The following HRH2 variants were observed in gnomAD, a reference collection of about 807,000 sequenced individuals.
HRH2 encodes the protein histamine H2 receptor.
In HRH2, 4 loss-of-function variants were observed where a neutral mutation model predicts 20.1. The observed-to-expected ratio is 0.20, with a 90% CI of 0.10 to 0.45. The LOEUF (loss-of-function observed/expected upper bound fraction) is 0.45, where lower values mean the gene tolerates loss of function less well. HRH2 is among the 20% of genes least tolerant of loss of function. HRH2 has a pLI of 0.99. For missense variants in HRH2, 250 were observed against 461.6 expected (o/e 0.54, Z 4.20); for synonymous variants, 197 against 200.7 (o/e 0.98, Z 0.16).
At chr5:175,665,667 G>A (rs1423362640) in intron 1 of HRH2, among the ~76,000 whole-genome samples, 1 of 152,166 alleles carries the variant, frequency 6.6e-6, no homozygotes, top group East Asian at 1.9e-4. Context: ...AGAGATGGGT[G>A]CCTGTCAGTC....
chr5:175,707,835 G>C lies in HRH2; in HGVS notation c.1133G>C (p.Ser378Thr). 1 of 399,260 alleles carries C rather than the reference G, an allele frequency of 2.5e-6. No homozygotes were observed. The highest frequency in any genetic ancestry group is 6.3e-4 in the Middle Eastern group (1 of 1,592). The allele number at this position is 399,260 out of a possible 1,614,324, so 24.7% of individuals were successfully genotyped here. A position where few individuals can be genotyped will look rare whatever the true frequency, so the allele number is the denominator to read the frequency against. ...CSSNLLSCCKSLWGLRFLQRH... is the reference protein window; with the variant it reads ...CSSNLLSCCKTLWGLRFLQRH... Reference sequence around the variant, plus strand: ...AGCAACCTCCTGAGCTGCTGCAAGAGCCTGTGGGGGCTCAGGTTCCTTCAG... The same window carrying C: ...AGCAACCTCCTGAGCTGCTGCAAGACCCTGTGGGGGCTCAGGTTCCTTCAG... The change falls in exon 3 of 3, where the codon AGC becomes ACC. Residue 378 changes from serine (S) to threonine (T), a missense_variant. Physicochemically the swap from Ser to Thr is moderately conservative, Grantham distance 58. This residue lies in a region of HRH2 where 55 missense variants were observed against 66.9 expected (regional missense o/e 0.82). Coordinates refer to ENST00000636584, the MANE Select transcript of HRH2 (RefSeq NM_001367711.1).
At position 175,683,086 on chromosome 5, in the gene HRH2, CT is replaced by C; in HGVS notation, c.-147del. The C allele has an allele frequency of 6.4e-6, 6 of 940,970 alleles. No individual in the cohort carries two copies. The highest frequency in any genetic ancestry group is 7.7e-6 in the Non-Finnish European group (5 of 648,592). The allele number at this position is 940,970 out of a possible 1,614,324, so 58.3% of individuals were successfully genotyped here. A position where few individuals can be genotyped will look rare whatever the true frequency, so the allele number is the denominator to read the frequency against. On this transcript the variant is annotated 5_prime_UTR_variant, in exon 2 of 3. Coordinates refer to ENST00000636584, the MANE Select transcript of HRH2 (RefSeq NM_001367711.1). ...CAGTCATTGAAGCCTTCCCCACCCC[CT>C]GGCCAAAAAAAAAAAAAAAAAAAAA...
Position 175,707,891 on chromosome 5 carries a change from T to G in HRH2, c.1189T>G (p.Ser397Ala), listed in dbSNP as rs1032733599. The change falls in exon 3 of 3, where the codon TCG becomes GCG. Residue 397 changes from serine to alanine, a missense_variant. Transcript: ENST00000636584. ...CATGGGAGGCCCCTCGGAGGAGCTA[T>G]CGGGGGAGCCACTGTCTGAGGAGCC... The part of the protein sequence containing the change: ...RHMGGPSEEL[S>A]GEPLSEEPQK... 1.3e-5 allele frequency: 5 copies of G among 399,060 alleles called. No homozygotes were observed. The highest frequency in any genetic ancestry group is 2.2e-5 in the Non-Finnish European group (5 of 226,210). The allele number at this position is 399,060 out of a possible 1,614,324, so 24.7% of individuals were successfully genotyped here.
intron 1 of HRH2, among the ~76,000 whole-genome samples, chr5:175,671,228 G>C (rs1345033025): frequency 6.6e-6 from 1 of 152,170 alleles, no homozygotes; most frequent in Non-Finnish European, 1.5e-5. Context: ...AGGGTTTGTG[G>C]GGCACCGCAT....
At chr5:175,692,828 C>A (rs1001147483) in intron 2 of HRH2, among the ~76,000 whole-genome samples, 1 of 152,180 alleles carries the variant, frequency 6.6e-6, no homozygotes, top group African/African-American at 2.4e-5. Flanking sequence ...AACCCCCCAA[C>A]TGTGTTGTGT....
intron 2 of HRH2, among the ~76,000 whole-genome samples, chr5:175,696,072 C>CT (rs1188601209): frequency 1.3e-5 from 2 of 152,278 alleles, no homozygotes; most frequent in Non-Finnish European, 2.9e-5. Context: ...GGGCATGACA[C>CT]TTTGCCTGCC....
At chr5:175,664,069 G>A (rs1762818248) in intron 1 of HRH2, among the ~76,000 whole-genome samples, 1 of 152,198 alleles carries the variant, frequency 6.6e-6, no homozygotes, top group African/African-American at 2.4e-5. Flanking sequence ...AGGCAGTGTG[G>A]CTGATTATTG....
chr5:175,682,290 T>G (rs909165565), intron 1 of HRH2, among the ~76,000 whole-genome samples: 20 of 152,288 alleles, frequency 1.3e-4, no homozygotes, highest in African/African-American at 4.8e-4. Flanking sequence ...TTCAGAGGAG[T>G]AGATTCATTA....
intron 1 of HRH2, among the ~76,000 whole-genome samples, chr5:175,678,317 G>T (rs1393674615): frequency 6.6e-6 from 1 of 152,166 alleles, no homozygotes; most frequent in Non-Finnish European, 1.5e-5. Flanking sequence ...TTTAGCCAAT[G>T]ACAAAAGTGT....
chr5:175,696,759 C>T (rs1756599255), intron 2 of HRH2, among the ~76,000 whole-genome samples: 1 of 152,180 alleles, frequency 6.6e-6, no homozygotes, highest in African/African-American at 2.4e-5. Context: ...GTGTGGCCCC[C>T]TTGCTGGCTC....
chr5:175,666,648 C>T (rs896301076), intron 1 of HRH2, among the ~76,000 whole-genome samples: 3 of 152,108 alleles, frequency 2.0e-5, no homozygotes, highest in African/African-American at 7.2e-5. Context: ...CCAGGCTGGG[C>T]TTGAACTCCT....
rs1762838389 is a variant in HRH2, at chr5:175,664,776, A to G, written c.-526+6621A>G. On this transcript the variant is annotated intron_variant, in intron 1 of 2. Transcript: ENST00000636584. ...CAGCCTCCCAAGTAGCTGAGGCTAC[A>G]GGAGAGCCCCACCACCATGCATGCT... is the stretch of plus-strand genomic sequence containing the variant. Among the ~76,000 whole-genome samples the G allele has an allele frequency of 2.0e-5, 3 of 152,118 alleles. No individual in the cohort carries two copies. In the South Asian group the frequency reaches 6.2e-4, roughly 32 times the overall value.
At chr5:175,669,670 T>A (rs887602990) in intron 1 of HRH2, among the ~76,000 whole-genome samples, 2 of 152,204 alleles carry the variant, frequency 1.3e-5, no homozygotes, top group South Asian at 4.1e-4. Flanking sequence ...AGCTTCAGTG[T>A]TTGTGTTTAT....
intron 1 of HRH2, among the ~76,000 whole-genome samples, chr5:175,678,947 G>A (rs575757405): frequency 6.6e-6 from 1 of 152,188 alleles, no homozygotes; most frequent in Admixed American, 6.5e-5. Context: ...TCACCAGCTT[G>A]GTTGCTTTTC....
chr5:175,705,810 A>G (rs1393956193), intron 2 of HRH2, among the ~76,000 whole-genome samples: 2 of 152,050 alleles, frequency 1.3e-5, no homozygotes, highest in Non-Finnish European at 2.9e-5. Flanking sequence ...CTATAGGTGC[A>G]TGCCACCAGG....
At chr5:175,671,327 A>G (rs1489645455) in intron 1 of HRH2, among the ~76,000 whole-genome samples, 3 of 152,210 alleles carry the variant, frequency 2.0e-5, no homozygotes, top group Non-Finnish European at 4.4e-5. Context: ...TTTGCTGCTG[A>G]TATCTTTAAG....
At chr5:175,672,875 T>C (rs643586) in intron 1 of HRH2, among the ~76,000 whole-genome samples, 7,273 of 152,224 alleles carry the variant, frequency 0.048, 593 homozygotes, top group African/African-American at 0.17. Context: ...ATGTGTGTAC[T>C]GAGACGGGAA....
At chr5:175,664,458 T>C (rs572026561) in intron 1 of HRH2, among the ~76,000 whole-genome samples, 1 of 152,168 alleles carries the variant, frequency 6.6e-6, no homozygotes, top group South Asian at 2.1e-4. Context: ...ATTCCAGATG[T>C]AGAAAGGGCG....
chr5:175,679,785 G>A (rs111355441), intron 1 of HRH2, among the ~76,000 whole-genome samples: 2 of 152,314 alleles, frequency 1.3e-5, no homozygotes, highest in South Asian at 2.1e-4. Context: ...ATGCTCGGTT[G>A]CCTGAGTGTC....
Sources: gnomAD v4.1 joint callset for allele counts (sites outside exome capture counted in the v4.1 genomes callset) on GRCh38, gnomAD v4.1.1 for gene constraint, gnomAD v4.1.1 regional missense constraint, MANE v1.5 for transcripts, NCBI Gene and HGNC (gene_info 2026-07-23, HGNC 2026-07-21) for gene names.